CFAP58: variants seen among roughly 807,000 people sequenced by gnomAD.
The protein encoded by CFAP58 is cilia and flagella associated protein 58, also known as cilia- and flagella-associated protein 58.
Under a neutral mutation model 119.5 loss-of-function variants are expected in CFAP58, and 88 were observed. That is an observed-to-expected ratio of 0.74 (90% confidence interval 0.62 to 0.88). The LOEUF (loss-of-function observed/expected upper bound fraction) is 0.88. CFAP58 is among the 40% of genes least tolerant of loss of function. The pLI, the probability that CFAP58 is intolerant of heterozygous loss-of-function variation, is 0.00. For synonymous variants in CFAP58, 365 were observed against 366.3 expected (o/e 1.00, Z 0.04); for missense variants, 990 against 1,021.2 (o/e 0.97, Z 0.42).
upstream of CFAP58, chr10:104,353,598 C>A: frequency 2.3e-6 from 1 of 441,794 alleles, no homozygotes; most frequent in Non-Finnish European, 4.1e-6. Context: ...TCCTCCCAGC[C>A]TCTCAGGGGC....
At chr10:104,415,055 C>T (rs1201366916) in intron 15 of CFAP58, among the ~76,000 whole-genome samples, 1 of 152,158 alleles carries the variant, frequency 6.6e-6, no homozygotes. Flanking sequence ...ACACAGACCT[C>T]GTCCCAGCCT....
chr10:104,415,095 G>A (rs2012528267), intron 15 of CFAP58, among the ~76,000 whole-genome samples: 2 of 152,104 alleles, frequency 1.3e-5, no homozygotes, highest in South Asian at 4.1e-4. Flanking sequence ...GCAACCACAG[G>A]GCAGTGTACC....
intron 4 of CFAP58, 63 bp downstream of exon 4, chr10:104,364,952 T>A: frequency 7.2e-6 from 11 of 1,527,636 alleles, no homozygotes; most frequent in Non-Finnish European, 9.8e-6. Flanking sequence ...CCCTCCACAG[T>A]CTCTATTCCC....
At chr10:104,388,442 G>A (rs1360540073) in intron 9 of CFAP58, among the ~76,000 whole-genome samples, 1 of 152,118 alleles carries the variant, frequency 6.6e-6, no homozygotes, top group Non-Finnish European at 1.5e-5. Context: ...TTATGCAATT[G>A]AATCAAAGCC....
Position 104,450,029 on chromosome 10 carries a change from A to G in CFAP58, c.2377-42A>G, listed in dbSNP as rs75483760. 5.4e-3 allele frequency: 8,425 copies of G among 1,568,988 alleles called. 236 individuals carry two copies. In the East Asian group the frequency reaches 0.085, roughly 16 times the overall value. On this transcript the variant is annotated intron_variant, in intron 16 of 17. Coordinates refer to ENST00000369704, the MANE Select transcript of CFAP58 (RefSeq NM_001008723.2). Reference sequence around the variant, plus strand: ...AGATTAAAAGATTTCTCAGAAAAGGATATTGTATCTTTTGTTAATGCTGCT... The same window carrying G: ...AGATTAAAAGATTTCTCAGAAAAGGGTATTGTATCTTTTGTTAATGCTGCT...
intron 11 of CFAP58, 21 bp from the exon 12 acceptor site, chr10:104,399,339 G>A: frequency 1.9e-6 from 3 of 1,611,880 alleles, no homozygotes; most frequent in East Asian, 2.2e-5. Context: ...AAATTTGCCT[G>A]TATCTTCCAC....
intron 15 of CFAP58, among the ~76,000 whole-genome samples, chr10:104,422,283 TC>T (rs1323918059): frequency 1.3e-5 from 2 of 152,220 alleles, no homozygotes; most frequent in Non-Finnish European, 2.9e-5. Flanking sequence ...ATATGTGAAC[TC>T]CCTTTCAGGA....
At chr10:104,350,958 A>T (rs2014452704), upstream of CFAP58, among the ~76,000 whole-genome samples, 1 of 152,228 alleles carries the variant, frequency 6.6e-6, no homozygotes, top group African/African-American at 2.4e-5. Context: ...TGCACTTGAC[A>T]TCAGTGCAAC....
At chr10:104,414,128 T>C (rs1589927635) in intron 15 of CFAP58, among the ~76,000 whole-genome samples, 1 of 152,132 alleles carries the variant, frequency 6.6e-6, no homozygotes. Context: ...GAAGTATCCC[T>C]AGGAAGCAGC....
At chr10:104,375,042 T>C (rs1182822953) in intron 7 of CFAP58, among the ~76,000 whole-genome samples, 1 of 151,670 alleles carries the variant, frequency 6.6e-6, no homozygotes. Flanking sequence ...ATACTATGTG[T>C]ACAATAAGCT....
At chr10:104,415,118 A>G (rs1181410882) in intron 15 of CFAP58, among the ~76,000 whole-genome samples, 1 of 152,060 alleles carries the variant, frequency 6.6e-6, no homozygotes, top group Non-Finnish European at 1.5e-5. Context: ...GGGCTGTGAT[A>G]CTGTACAGGA....
intron 12 of CFAP58, 94 bp from the exon 13 acceptor site, chr10:104,400,586 G>A (rs1182615100): frequency 6.8e-5 from 70 of 1,031,248 alleles, no homozygotes; most frequent in Middle Eastern, 3.0e-4. Context: ...ACATGTGGGC[G>A]TTCAATAGAT....
chr10:104,428,776 A>G (rs962440978), intron 15 of CFAP58, among the ~76,000 whole-genome samples: 1 of 152,208 alleles, frequency 6.6e-6, no homozygotes, highest in Non-Finnish European at 1.5e-5. Context: ...CCAGCTCTTC[A>G]TGTGAGATGG....
chr10:104,397,364 G>C (rs2012182966), intron 11 of CFAP58, among the ~76,000 whole-genome samples: 1 of 152,034 alleles, frequency 6.6e-6, no homozygotes, highest in African/African-American at 2.4e-5. Flanking sequence ...TTTCATGAAT[G>C]AACAAACAAA....
At chr10:104,445,333 A>AAC (rs538520116) in intron 15 of CFAP58, among the ~76,000 whole-genome samples, 16 of 151,730 alleles carry the variant, frequency 1.1e-4, no homozygotes, top group Non-Finnish European at 2.1e-4. Context: ...AAAAAAAAAA[A>AAC]AAACAACAAC....
chr10:104,452,369 G>A (rs1040809412), intron 17 of CFAP58, among the ~76,000 whole-genome samples: 2 of 151,890 alleles, frequency 1.3e-5, no homozygotes, highest in African/African-American at 2.4e-5. Context: ...TTTAAAGTTC[G>A]TACACTCCAT....
At chr10:104,357,812 T>A (rs575736480) in intron 1 of CFAP58, among the ~76,000 whole-genome samples, 1 of 150,132 alleles carries the variant, frequency 6.7e-6, no homozygotes, top group African/African-American at 2.5e-5. Context: ...CACACATATA[T>A]ATGTACATAT....
At chr10:104,377,675 C>G (rs1341363670) in intron 8 of CFAP58, among the ~76,000 whole-genome samples, 1 of 152,178 alleles carries the variant, frequency 6.6e-6, no homozygotes, top group Non-Finnish European at 1.5e-5. Context: ...ACAGTTTCAT[C>G]TCATCAAGGC....
intron 9 of CFAP58, among the ~76,000 whole-genome samples, chr10:104,381,040 C>G (rs1340728458): frequency 6.6e-6 from 1 of 152,106 alleles, no homozygotes; most frequent in Non-Finnish European, 1.5e-5. Flanking sequence ...ATCCCAACTA[C>G]TTGGAGGGCT....
Sources: gnomAD v4.1 joint callset for allele counts (sites outside exome capture counted in the v4.1 genomes callset) on GRCh38, gnomAD v4.1.1 for gene constraint, MANE v1.5 for transcripts, NCBI Gene and HGNC (gene_info 2026-07-23, HGNC 2026-07-21) for gene names.